ZNF536: variants seen among roughly 807,000 people sequenced by gnomAD.
ZNF536 encodes the protein zinc finger protein 536.
A neutral mutation model predicts 84.5 loss-of-function variants in ZNF536; 13 were observed. That is an observed-to-expected ratio of 0.15 (90% CI 0.10 to 0.24). ZNF536 has a LOEUF of 0.24. ZNF536 is among the 10% of genes least tolerant of loss of function. The pLI, the probability that ZNF536 is intolerant of heterozygous loss-of-function variation, is 1.00. For synonymous variants in ZNF536, 811 were observed against 742.5 expected, an observed-to-expected ratio of 1.09 and a Z score of -1.50; for missense variants, 1,536 against 1,747.5, an observed-to-expected ratio of 0.88 and a Z score of 2.16.
intron 1 of ZNF536, among the ~76,000 whole-genome samples, chr19:30,575,702 C>T (rs1040880089): frequency 6.6e-6 from 1 of 152,120 alleles, no homozygotes; most frequent in African/African-American, 2.4e-5. Flanking sequence ...ATAAGGCAAA[C>T]CAGGAGTTAG....
intron 1 of ZNF536, among the ~76,000 whole-genome samples, chr19:30,412,403 T>A (rs1015782419): frequency 3.2e-5 from 4 of 125,210 alleles, no homozygotes; most frequent in Non-Finnish European, 7.8e-5. Context: ...CAAGTGATCT[T>A]GGGATGTTGT....
chr19:30,603,792 AT>A (rs1452763766), intron 1 of ZNF536, among the ~76,000 whole-genome samples: 3 of 152,206 alleles, frequency 2.0e-5, no homozygotes, highest in Non-Finnish European at 4.4e-5. Flanking sequence ...TAAGCAAATA[AT>A]TAAATATGTG....
chr19:30,506,946 G>GA (rs1208946770), intron 2 of ZNF536, among the ~76,000 whole-genome samples: 4 of 152,240 alleles, frequency 2.6e-5, no homozygotes, highest in East Asian at 3.9e-4. Flanking sequence ...GCTTTTCTAT[G>GA]AAAAAACTAC....
chr19:30,385,516 C>T (rs1467316686), intron 1 of ZNF536, among the ~76,000 whole-genome samples: 3 of 151,480 alleles, frequency 2.0e-5, no homozygotes, highest in Non-Finnish European at 4.4e-5. Context: ...CATTGCTCTT[C>T]CCTGCTTCAC....
chr19:30,485,161 A>AGTAAATAAATTC (rs1555779921), intron 2 of ZNF536, among the ~76,000 whole-genome samples: 8 of 151,660 alleles, frequency 5.3e-5, no homozygotes, highest in African/African-American at 1.9e-4. Flanking sequence ...TAAATAAATA[A>AGTAAATAAATTC]ATAAATAAAT....
chr19:30,652,675 G>A (rs1600155519), intron 1 of ZNF536, among the ~76,000 whole-genome samples: 1 of 152,322 alleles, frequency 6.6e-6, no homozygotes, highest in East Asian at 1.9e-4. Flanking sequence ...TGCTGTGTCT[G>A]CCTCTCCTGG....
At chr19:30,705,278 A>T (rs2052176736) in intron 1 of ZNF536, among the ~76,000 whole-genome samples, 1 of 151,742 alleles carries the variant, frequency 6.6e-6, no homozygotes, top group African/African-American at 2.4e-5. Flanking sequence ...CATCAGTCTC[A>T]TGGGAGCCTT....
chr19:30,612,771 C>T (rs1047384925), intron 1 of ZNF536, among the ~76,000 whole-genome samples: 2 of 152,172 alleles, frequency 1.3e-5, no homozygotes, highest in Admixed American at 6.5e-5. Context: ...CTTACCTTCC[C>T]TTAGTTCAAT....
intron 1 of ZNF536, among the ~76,000 whole-genome samples, chr19:30,650,876 C>T (rs1403510125): frequency 2.0e-5 from 3 of 152,198 alleles, no homozygotes; most frequent in African/African-American, 4.8e-5. Flanking sequence ...TTGGAGCATA[C>T]TGTCAGAGCA....
chr19:30,369,956 G>A (rs1272640264), upstream of ZNF536, among the ~76,000 whole-genome samples: 1 of 152,150 alleles, frequency 6.6e-6, no homozygotes, highest in Non-Finnish European at 1.5e-5. Flanking sequence ...AAAAATATAT[G>A]TTGTGTCCAC....
At chr19:30,270,105 C>T (rs2025743974) in intron 1 of ZNF536, among the ~76,000 whole-genome samples, 1 of 152,190 alleles carries the variant, frequency 6.6e-6, no homozygotes, top group African/African-American at 2.4e-5. Flanking sequence ...ACTCATTTGG[C>T]CACAACTGCT....
intron 1 of ZNF536, among the ~76,000 whole-genome samples, chr19:30,236,273 G>GTC (rs1332998501): frequency 6.6e-6 from 1 of 152,254 alleles, no homozygotes; most frequent in East Asian, 1.9e-4. Context: ...GCTGGGAACA[G>GTC]TCTGAAGCCA....
At chr19:30,304,145 C>T (rs527372791) in intron 2 of ZNF536, among the ~76,000 whole-genome samples, 1 of 152,302 alleles carries the variant, frequency 6.6e-6, no homozygotes, top group African/African-American at 2.4e-5. Context: ...GCACAGGCCT[C>T]CTTTCTTTCC....
intron 1 of ZNF536, among the ~76,000 whole-genome samples, chr19:30,384,164 CGTT>C (rs2049218627): frequency 1.2e-5 from 1 of 80,826 alleles, no homozygotes; most frequent in Non-Finnish European, 2.3e-5. Flanking sequence ...TTCTTTCTTT[CGTT>C]TCCTTCTTTC....
At chr19:30,452,918 G>A (rs2052672121) in intron 2 of ZNF536, among the ~76,000 whole-genome samples, 1 of 151,380 alleles carries the variant, frequency 6.6e-6, no homozygotes, top group African/African-American at 2.4e-5. Flanking sequence ...GGAAGGAGGC[G>A]GGGGCTGAGC....
chr19:30,305,773 G>T (rs909155902), intron 2 of ZNF536, among the ~76,000 whole-genome samples: 1 of 152,210 alleles, frequency 6.6e-6, no homozygotes, highest in Non-Finnish European at 1.5e-5. Context: ...CCAAGGCAGG[G>T]ATTGGGAGCC....
At chr19:30,323,157 C>T (rs1014549904) in intron 2 of ZNF536, among the ~76,000 whole-genome samples, 4 of 151,576 alleles carry the variant, frequency 2.6e-5, no homozygotes, top group African/African-American at 9.7e-5. Context: ...CCTGGCCTTC[C>T]CACCTGGGCT....
intron 2 of ZNF536, among the ~76,000 whole-genome samples, chr19:30,489,286 A>AT (rs1402760560): frequency 6.6e-6 from 1 of 152,240 alleles, no homozygotes; most frequent in Non-Finnish European, 1.5e-5. Flanking sequence ...ACAGTTTCAA[A>AT]ACATACTCAC....
At chr19:30,413,529 G>A (rs1021025800) in intron 1 of ZNF536, among the ~76,000 whole-genome samples, 1 of 152,118 alleles carries the variant, frequency 6.6e-6, no homozygotes. Flanking sequence ...ACATTTTTGA[G>A]ATGTTGCATG....
Sources: allele counts gnomAD v4.1 joint callset (sites outside exome capture counted in the v4.1 genomes callset), GRCh38; gene constraint gnomAD v4.1.1; transcripts MANE v1.5; gene names NCBI Gene and HGNC (gene_info 2026-07-23, HGNC 2026-07-21).